The following FSTL1 variants were observed in gnomAD, a reference collection of about 807,000 sequenced individuals.
The protein encoded by FSTL1 is follistatin-related protein 1.
Under a neutral mutation model 45.9 loss-of-function variants are expected in FSTL1, and 24 were observed. The ratio of observed to expected loss-of-function variants is 0.52; its 90% CI spans 0.38 to 0.74. The LOEUF (loss-of-function observed/expected upper bound fraction) is 0.74. Among genes scored for constraint, FSTL1 ranks in the 30% least tolerant of loss-of-function variants. The pLI is 0.00. For synonymous variants in FSTL1, 120 were observed against 137.6 expected, an observed-to-expected ratio of 0.87 and a Z score of 0.89; for missense variants, 340 against 381.8, an observed-to-expected ratio of 0.89 and a Z score of 0.91.
chr3:120,450,786 C>T (rs996221242), intron 1 of FSTL1, 40 bp from the exon 2 acceptor site: 23 of 1,438,392 alleles, frequency 1.6e-5, no homozygotes, highest in Non-Finnish European at 2.1e-5. Flanking sequence ...AGGCGCCGGG[C>T]CCCGCGCTGA....
intron 4 of FSTL1, chr3:120,411,288 A>G (rs1215878197): frequency 3.4e-6 from 1 of 292,702 alleles, no homozygotes; most frequent in African/African-American, 2.2e-5. Flanking sequence ...TGGACAGGGA[A>G]TGGAGTGGAG....
chr3:120,408,154 T>C (rs909718324), intron 6 of FSTL1, among the ~76,000 whole-genome samples: 37 of 152,372 alleles, frequency 2.4e-4, no homozygotes, highest in African/African-American at 8.9e-4. Flanking sequence ...TTCGCTCAGC[T>C]TTTGAACAGT....
In FSTL1 at chr3:120,449,002, C is replaced by T. The variant is rs968939807; in HGVS notation, c.63+1682G>A. Among the ~76,000 whole-genome samples, 4 of 152,222 alleles carry T rather than the reference C, an allele frequency of 2.6e-5. No homozygotes were observed. In the South Asian group the frequency reaches 6.2e-4, roughly 24 times the overall value. On this transcript the variant is annotated intron_variant, in intron 2 of 10. Coordinates refer to ENST00000295633, the MANE Select transcript of FSTL1 (RefSeq NM_007085.5). ...ATTCACCTCATCCATCACTGGTCTG[C>T]AACTGCCTTTTGAGGGCCACAGCAG...
At chr3:120,415,619 A>C (rs962274522) in intron 3 of FSTL1, among the ~76,000 whole-genome samples, 1 of 152,222 alleles carries the variant, frequency 6.6e-6, no homozygotes, top group Non-Finnish European at 1.5e-5. Flanking sequence ...AGACTAAGGG[A>C]TTGAAGGGTT....
intron 2 of FSTL1, among the ~76,000 whole-genome samples, chr3:120,429,704 C>T (rs1468694301): frequency 2.0e-5 from 3 of 152,184 alleles, no homozygotes; most frequent in African/African-American, 7.2e-5. Flanking sequence ...CTTTTGTAGC[C>T]TTAATCTCCC....
intron 2 of FSTL1, among the ~76,000 whole-genome samples, chr3:120,431,404 T>C (rs527817789): frequency 1.9e-4 from 29 of 152,378 alleles, no homozygotes; most frequent in Non-Finnish European, 3.8e-4. Flanking sequence ...TAGACTTTTT[T>C]CATACTAAGT....
chr3:120,399,874 G>A lies in FSTL1; in HGVS notation c.882+9C>T, dbSNP rs1387557067. ...CAACACCTGAACCAGCACGGAGGCT[G>A]CCACTCACCTGATGCTTTTGGAGCT... On this transcript the variant is annotated intron_variant, in intron 10 of 10. Transcript: ENST00000295633. The A allele has an allele frequency of 6.3e-7, 1 of 1,583,164 alleles. No individual in the cohort carries two copies.
chr3:120,403,493 C>CTA, intron 7 of FSTL1, 139 bp from the exon 8 acceptor site: 2 of 598,890 alleles, frequency 3.3e-6, no homozygotes, highest in South Asian at 4.0e-5. Context: ...CAGCCTCTCT[C>CTA]TACACTGACC....
intron 2 of FSTL1, among the ~76,000 whole-genome samples, chr3:120,427,387 G>A (rs1295234553): frequency 2.0e-5 from 3 of 152,142 alleles, no homozygotes; most frequent in African/African-American, 7.2e-5. Flanking sequence ...GATTCTGTTT[G>A]TCCATCCTTT....
intron 2 of FSTL1, among the ~76,000 whole-genome samples, chr3:120,448,997 G>A (rs914855148): frequency 5.3e-5 from 8 of 152,282 alleles, no homozygotes; most frequent in Non-Finnish European, 1.0e-4. Flanking sequence ...TCCATCACTG[G>A]TCTGCAACTG....
intron 3 of FSTL1, among the ~76,000 whole-genome samples, chr3:120,414,495 A>C (rs1409491321): frequency 6.6e-6 from 1 of 151,450 alleles, no homozygotes; most frequent in African/African-American, 2.4e-5. Flanking sequence ...AGGTGTGCCC[A>C]ACAGCTCATT....
At chr3:120,420,872 C>A (rs1937264032) in intron 2 of FSTL1, among the ~76,000 whole-genome samples, 1 of 152,198 alleles carries the variant, frequency 6.6e-6, no homozygotes, top group African/African-American at 2.4e-5. Context: ...TTAATCCCAG[C>A]CTCTTTCCAC....
At chr3:120,405,725 G>GT (rs1195451983) in intron 6 of FSTL1, among the ~76,000 whole-genome samples, 1 of 152,208 alleles carries the variant, frequency 6.6e-6, no homozygotes, top group Admixed American at 6.5e-5. Context: ...GAGGAGTGCA[G>GT]TAAGCTCACA....
intron 6 of FSTL1, among the ~76,000 whole-genome samples, chr3:120,409,110 T>C (rs895275734): frequency 8.5e-5 from 13 of 152,308 alleles, no homozygotes; most frequent in South Asian, 4.1e-4. Context: ...CTCCAAGCCA[T>C]TGGCAGTCAA....
intron 2 of FSTL1, chr3:120,441,415 G>A (rs1937626321): frequency 6.6e-6 from 1 of 152,244 alleles, no homozygotes; most frequent in Non-Finnish European, 1.5e-5. Flanking sequence ...CTGGAGGAAT[G>A]ATAGAACTGT....
At chr3:120,425,249 G>C (rs1350239200) in intron 2 of FSTL1, among the ~76,000 whole-genome samples, 14 of 151,992 alleles carry the variant, frequency 9.2e-5, no homozygotes, top group Non-Finnish European at 1.9e-4. Context: ...GCCGAGAGTA[G>C]AGTAGGAACA....
In FSTL1 at chr3:120,411,861, G is replaced by A; in HGVS notation, c.291C>T (p.His97=). ...GSKIQVDYDG[H]CKEKKSVSPS... is the part of the protein sequence containing the mutation. ...GGTGAGAGCACACCTTACCTTTGCA[G>A]TGTCCATCGTAATCAACCTGGATTT... Residue 97 remains histidine (H), a synonymous_variant, in exon 4 of 11, where the codon CAC becomes CAT. Coordinates refer to ENST00000295633, the MANE Select transcript of FSTL1 (RefSeq NM_007085.5). 1 of 1,613,968 alleles carries A rather than the reference G, an allele frequency of 6.2e-7. No homozygotes were observed. The highest frequency in any genetic ancestry group is 1.1e-5 in the South Asian group (1 of 91,082).
chr3:120,395,700 C>A lies in FSTL1; in HGVS notation c.*1252G>T. On this transcript the variant is annotated 3_prime_UTR_variant, in exon 11 of 11. Transcript: ENST00000295633. The stretch of plus-strand genomic sequence containing the variant: ...TTCTATAGAGAAGAAGGAAAAATCA[C>A]AGGAACCTATCTCCCCTCTGGACCA... 1 of 534,528 alleles carries A rather than the reference C, an allele frequency of 1.9e-6. No individual in the cohort carries two copies. The highest frequency in any genetic ancestry group is 1.9e-5 in the Admixed American group (1 of 51,540). 33.1% of individuals were successfully genotyped at this position (534,528 alleles called of 1,614,324 possible).
At chr3:120,403,018 C>T (rs1936857933) in intron 8 of FSTL1, 100 bp from the exon 9 acceptor site, 2 of 818,914 alleles carry the variant, frequency 2.4e-6, no homozygotes, top group African/African-American at 1.7e-5. Flanking sequence ...CCAGACAAGA[C>T]CTGCCTGTCC....
Sources: allele counts gnomAD v4.1 joint callset (sites outside exome capture counted in the v4.1 genomes callset), GRCh38; gene constraint gnomAD v4.1.1; transcripts MANE v1.5; gene names NCBI Gene and HGNC (gene_info 2026-07-23, HGNC 2026-07-21).